The following EOGT variants were observed in gnomAD, a reference collection of about 807,000 sequenced individuals.
The protein encoded by EOGT is EGF domain specific O-linked N-acetylglucosamine transferase.
Under a neutral mutation model 70.5 loss-of-function variants are expected in EOGT, and 55 were observed. That is an observed-to-expected ratio of 0.78 (90% CI 0.63 to 0.98). EOGT has a LOEUF of 0.98. EOGT is among the 50% of genes least tolerant of loss of function. The pLI is 0.00. For synonymous variants in EOGT, 246 were observed against 217.1 expected (o/e 1.13, Z -1.17); for missense variants, 703 against 641.9 (o/e 1.10, Z -1.03).
intron 8 of EOGT, 127 bp downstream of exon 8, chr3:69,004,251 C>G: frequency 5.8e-6 from 4 of 691,836 alleles, no homozygotes; most frequent in South Asian, 5.6e-5. Flanking sequence ...CCGTCACTTC[C>G]CAGAAGCTCA....
chr3:68,993,372 C>T (rs896519864), intron 10 of EOGT, among the ~76,000 whole-genome samples: 16 of 152,150 alleles, frequency 1.1e-4, no homozygotes, highest in East Asian at 1.9e-4. Context: ...CTCTAGGGCA[C>T]GGCAAAATGC....
At position 69,009,636 on chromosome 3, in the gene EOGT, C is replaced by T. The variant is rs889615582; in HGVS notation, c.210+1G>A. The T allele has an allele frequency of 6.2e-7, 1 of 1,608,722 alleles. No individual in the cohort carries two copies. Among genetic ancestry groups the T allele is most frequent in the African/African-American group, 1.3e-5 (1 of 74,790 alleles). On this transcript the variant is annotated splice_donor_variant, in intron 4 of 17. Coordinates refer to ENST00000383701, the MANE Select transcript of EOGT (RefSeq NM_001278689.2). LOFTEE classifies it high-confidence loss of function. ...ATAAGGAGAAAAGAAATAATACCTA[C>T]CTTATATGGACAAAGAGAGTCTTTC...
Position 68,977,333 on chromosome 3 carries a change from AAAAAG to A in EOGT, c.*280_*284del. ...AGTGAGACTCTGTCTCCAAAAAAAAAAAAAGAAAGAAAGAAAGTTAAAGTATACTG... is the reference window on the plus strand; with the variant it reads ...AGTGAGACTCTGTCTCCAAAAAAAAAAAAGAAAGAAAGTTAAAGTATACTG... On this transcript the variant is annotated 3_prime_UTR_variant, in exon 18 of 18. Transcript: ENST00000383701. The A allele has an allele frequency of 3.9e-6, 1 of 257,374 alleles. No individual in the cohort carries two copies. Among genetic ancestry groups the A allele is most frequent in the East Asian group, 1.1e-4 (1 of 8,722 alleles). 15.9% of individuals were successfully genotyped at this position (257,374 alleles called of 1,614,324 possible). A position where few individuals can be genotyped will look rare whatever the true frequency, so the allele number is the denominator to read the frequency against.
intron 10 of EOGT, 66 bp from the exon 11 acceptor site, chr3:68,989,083 C>A (rs2090902375): frequency 1.9e-5 from 16 of 860,574 alleles, no homozygotes; most frequent in Admixed American, 3.0e-5. Flanking sequence ...TTCAAAGATG[C>A]AACAAAATAC....
chr3:68,987,349 A>T, intron 14 of EOGT, 96 bp downstream of exon 14: 1 of 944,010 alleles, frequency 1.1e-6, no homozygotes, highest in Non-Finnish European at 1.6e-6. Flanking sequence ...ACTAAGTTTT[A>T]AACCAAAGCT....
chr3:68,997,401 C>T (rs976977268), intron 10 of EOGT, among the ~76,000 whole-genome samples: 1 of 148,626 alleles, frequency 6.7e-6, no homozygotes, highest in Non-Finnish European at 1.5e-5. Flanking sequence ...CAGAGTCTTG[C>T]TCTGTCACCC....
At position 68,975,277 on chromosome 3, in the gene EOGT, T is replaced by A. The variant is rs1450403035; in HGVS notation, c.*2341A>T. 2.0e-5 allele frequency: 3 copies of A among 152,626 alleles called. No individual in the cohort carries two copies. Among genetic ancestry groups the A allele is most frequent in the African/African-American group, 7.2e-5 (3 of 41,458 alleles). 9.5% of individuals were successfully genotyped at this position (152,626 alleles called of 1,614,324 possible). A position where few individuals can be genotyped will look rare whatever the true frequency, so the allele number is the denominator to read the frequency against. ...CCAAAGCCATACCCAAAACATACAA[T>A]GAAATACATCCCTGTTAAAGACTTA... On this transcript the variant is annotated 3_prime_UTR_variant, in exon 18 of 18. Coordinates refer to ENST00000383701, the MANE Select transcript of EOGT (RefSeq NM_001278689.2).
rs191751299 is a variant in EOGT, at chr3:69,003,320, T to C, written c.620+1058A>G. The stretch of plus-strand genomic sequence containing the variant: ...TACAAGTTCTCCTTGTAGTATGATA[T>C]GGTTTGGCTGTGTCTCCACCCAGAT... On this transcript the variant is annotated intron_variant, in intron 8 of 17. Transcript: ENST00000383701. Among the ~76,000 whole-genome samples, 9 of 152,304 alleles carry C rather than the reference T, an allele frequency of 5.9e-5. No homozygotes were observed. In the East Asian group the frequency reaches 1.7e-3, roughly 29 times the overall value.
chr3:68,982,290 C>T (rs141602416), intron 15 of EOGT, among the ~76,000 whole-genome samples: 72 of 152,188 alleles, frequency 4.7e-4, no homozygotes, highest in African/African-American at 9.9e-4. Flanking sequence ...GAGGCAGAGG[C>T]GGGCAGATCA....
At chr3:69,004,287 A>T in intron 8 of EOGT, 91 bp downstream of exon 8, 2 of 939,826 alleles carry the variant, frequency 2.1e-6, no homozygotes, top group Non-Finnish European at 3.3e-6. Context: ...AAATGAAGTA[A>T]CATTTTCCAT....
At chr3:68,992,754 A>G (rs1487906932) in intron 10 of EOGT, among the ~76,000 whole-genome samples, 1 of 152,268 alleles carries the variant, frequency 6.6e-6, no homozygotes, top group Non-Finnish European at 1.5e-5. Flanking sequence ...CCGCCCCTGC[A>G]GCAAACTTCT....
chr3:69,013,648 C>G lies in EOGT; in HGVS notation c.-430G>C, dbSNP rs2091637488. The G allele has an allele frequency of 6.5e-6, 1 of 152,948 alleles. No homozygotes were observed. The highest frequency in any genetic ancestry group is 1.5e-5 in the Non-Finnish European group (1 of 68,664). The allele number at this position is 152,948 out of a possible 1,614,324, so 9.5% of individuals were successfully genotyped here. A position where few individuals can be genotyped will look rare whatever the true frequency, so the allele number is the denominator to read the frequency against. ...CGGCTGTTCCAGAGGAGGGAGTCGT[C>G]ATAACCGGCTACTGCCGCTCACCGG... On this transcript the variant is annotated 5_prime_UTR_variant, in exon 1 of 18. The change abolishes an upstream ATG in the 5' untranslated region. Transcript: ENST00000383701.
At chr3:68,983,057 A>T (rs1272366999) in intron 14 of EOGT, among the ~76,000 whole-genome samples, 185 bp from the exon 15 acceptor site, 1 of 152,200 alleles carries the variant, frequency 6.6e-6, no homozygotes, top group Non-Finnish European at 1.5e-5. Context: ...CTGAACTGTC[A>T]TTAAGTTCAA....
At chr3:69,010,528 T>C (rs143018686) in intron 3 of EOGT, among the ~76,000 whole-genome samples, 1 of 152,380 alleles carries the variant, frequency 6.6e-6, no homozygotes, top group East Asian at 1.9e-4. Flanking sequence ...ACAAGTTACT[T>C]AACCTTTCTG....
rs570871326 is a variant in EOGT at position 68,979,237 on chromosome 3, G to A, written c.1334+431C>T. ...CCTGGGCAAATCATGAACACCCAAG[G>A]GCCTCAGTTTCCCTGTGTATGGGAT... On this transcript the variant is annotated intron_variant, in intron 16 of 17. Transcript: ENST00000383701. Among the ~76,000 whole-genome samples the A allele has an allele frequency of 3.3e-5, 5 of 152,240 alleles. No homozygotes were observed. The South Asian group carries it at 6.2e-4, about 19-fold the overall frequency.
rs185181819 is a variant in EOGT, at chr3:68,978,436, C to T, written c.1335-1G>A. ...ACAGCGTTCATCTTCACAGTTGTAC[C>T]TAAGGACACAAGGGTGTCACAACAT... On this transcript the variant is annotated splice_acceptor_variant, in intron 16 of 17. Transcript: ENST00000383701. LOFTEE classifies it high-confidence loss of function. 125 of 1,597,334 alleles carry T rather than the reference C, an allele frequency of 7.8e-5. No individual in the cohort carries two copies. The highest frequency in any genetic ancestry group is 1.0e-4 in the Non-Finnish European group (123 of 1,173,546).
Position 68,977,208 on chromosome 3 carries a change from C to T in EOGT, c.*410G>A, listed in dbSNP as rs1386373309. The T allele has an allele frequency of 5.9e-6, 1 of 168,482 alleles. No individual in the cohort carries two copies. The highest frequency in any genetic ancestry group is 1.3e-5 in the Non-Finnish European group (1 of 79,970). 10.4% of individuals were successfully genotyped at this position (168,482 alleles called of 1,614,324 possible). On this transcript the variant is annotated 3_prime_UTR_variant, in exon 18 of 18. Transcript: ENST00000383701. ...CAGGTGTGGTGGTGCAGGCTGCAAT[C>T]CCAGCTAGTCAGGTGGCTGAGGCAA...
intron 15 of EOGT, 69 bp from the exon 16 acceptor site, chr3:68,979,856 G>C: frequency 6.8e-7 from 1 of 1,472,098 alleles, no homozygotes. Context: ...GTTAGTTCAT[G>C]ATTCACAGTA....
chr3:68,988,848 T>A (rs138136177), intron 11 of EOGT, 77 bp downstream of exon 11: 1 of 779,294 alleles, frequency 1.3e-6, no homozygotes, highest in African/African-American at 1.8e-5. Context: ...TAGGAACTCA[T>A]AATAAATGTT....
Sources: allele counts gnomAD v4.1 joint callset (sites outside exome capture counted in the v4.1 genomes callset), GRCh38; gene constraint gnomAD v4.1.1; transcripts MANE v1.5; gene names NCBI Gene and HGNC (gene_info 2026-07-23, HGNC 2026-07-21).